Variants in MARCHF7 observed in about 807,000 individuals in gnomAD.
MARCHF7 encodes the protein E3 ubiquitin-protein ligase MARCHF7.
In MARCHF7, 20 loss-of-function variants were observed where a neutral mutation model predicts 76.5. That is an observed-to-expected ratio of 0.26 (90% CI 0.18 to 0.38). MARCHF7 has a LOEUF of 0.38. MARCHF7 is among the 10% of genes least tolerant of loss of function. MARCHF7 has a pLI of 1.00. For synonymous variants in MARCHF7, 295 were observed against 293.0 expected, an observed-to-expected ratio of 1.01 and a Z score of -0.07; for missense variants, 797 against 812.9, an observed-to-expected ratio of 0.98 and a Z score of 0.24.
At chr2:159,747,058 C>T (rs541856047) in intron 6 of MARCHF7, among the ~76,000 whole-genome samples, 1 of 152,168 alleles carries the variant, frequency 6.6e-6, no homozygotes, top group Non-Finnish European at 1.5e-5. Flanking sequence ...TTAGCTCTTA[C>T]ACAGGTTAAT....
At chr2:159,766,762 T>G (rs1266058958) in intron 11 of MARCHF7, among the ~76,000 whole-genome samples, 1 of 152,214 alleles carries the variant, frequency 6.6e-6, no homozygotes, top group East Asian at 1.9e-4. Flanking sequence ...TGAAGCTTTT[T>G]TGACTTACTA....
At chr2:159,725,029 T>C (rs1255421050) in intron 3 of MARCHF7, among the ~76,000 whole-genome samples, 3 of 152,222 alleles carry the variant, frequency 2.0e-5, no homozygotes, top group African/African-American at 7.2e-5. Flanking sequence ...TTTTTATGGC[T>C]GCATAGTATT....
chr2:159,728,887 G>T, intron 3 of MARCHF7, 122 bp from the exon 4 acceptor site: 2 of 505,836 alleles, frequency 4.0e-6, no homozygotes, highest in Non-Finnish European at 6.6e-6. Flanking sequence ...CACAATTTAC[G>T]TTGTCAGATA....
At chr2:159,760,944 A>G (rs1706976659) in intron 9 of MARCHF7, among the ~76,000 whole-genome samples, 1 of 151,994 alleles carries the variant, frequency 6.6e-6, no homozygotes, top group Non-Finnish European at 1.5e-5. Flanking sequence ...CCTGATAGCT[A>G]CACTGATTTT....
rs546603145 is a variant in MARCHF7, at chr2:159,729,561, T to A, written c.153+386T>A. 5.9e-5 allele frequency among the ~76,000 whole-genome samples: 9 copies of A among 152,004 alleles called. No homozygotes were observed. In the South Asian group the frequency reaches 1.9e-3, roughly 32 times the overall value. On this transcript the variant is annotated intron_variant, in intron 4 of 11. Coordinates refer to ENST00000409175, the MANE Select transcript of MARCHF7 (RefSeq NM_001282805.2). ...GGTGGCACACACCTGTAATCCCAGCTACTTGGGAGGCCGAAGAGGGAGGAT... is the reference window on the plus strand; with the variant it reads ...GGTGGCACACACCTGTAATCCCAGCAACTTGGGAGGCCGAAGAGGGAGGAT...
At chr2:159,752,663 G>A in intron 8 of MARCHF7, 92 bp downstream of exon 8, 1 of 1,152,244 alleles carries the variant, frequency 8.7e-7, no homozygotes, top group African/African-American at 1.6e-5. Context: ...GTTGAATTTA[G>A]ACTTTTAACA....
chr2:159,768,686 T>G lies in MARCHF7; in HGVS notation c.*1344T>G, dbSNP rs1302633693. On this transcript the variant is annotated 3_prime_UTR_variant, in exon 12 of 12. Transcript: ENST00000409175. ...CTCATTTTAAGCAATAATATAAATG[T>G]TCTAAAACATTTGCTCACCTCTTGC... 1 of 152,640 alleles carries G rather than the reference T, an allele frequency of 6.6e-6. No individual in the cohort carries two copies. The highest frequency in any genetic ancestry group is 1.5e-5 in the Non-Finnish European group (1 of 68,022). The allele number at this position is 152,640 out of a possible 1,614,324, so 9.5% of individuals were successfully genotyped here.
rs540209321 is a variant in MARCHF7 at position 159,735,629 on chromosome 2, G to T, written c.153+6454G>T. On this transcript the variant is annotated intron_variant, in intron 4 of 11. Transcript: ENST00000409175. ...TTCTTTGACTTAGCATATTTTCAGT[G>T]TTCATCTATATTGTAGCATATGTCA... Among the ~76,000 whole-genome samples the T allele has an allele frequency of 2.0e-5, 3 of 152,220 alleles. No individual in the cohort carries two copies. The East Asian group carries it at 5.8e-4, about 29-fold the overall frequency.
rs573109452 is a variant in MARCHF7 at position 159,761,709 on chromosome 2, G to A, written c.1894-1171G>A. ...TTATAGGCGTGAGCCACCGCACATG[G>A]CCTCAAATTTCTTGAATACTCAGTA... On this transcript the variant is annotated intron_variant, in intron 9 of 11. Coordinates refer to ENST00000409175, the MANE Select transcript of MARCHF7 (RefSeq NM_001282805.2). Among the ~76,000 whole-genome samples the A allele has an allele frequency of 2.6e-5, 4 of 152,244 alleles. No individual in the cohort carries two copies. In the East Asian group the frequency reaches 5.8e-4, roughly 22 times the overall value.
chr2:159,722,057 ATTTGTT>A (rs1247540639), intron 3 of MARCHF7, among the ~76,000 whole-genome samples: 2 of 152,172 alleles, frequency 1.3e-5, no homozygotes, highest in African/African-American at 4.8e-5. Flanking sequence ...TTTTTGCGCT[ATTTGTT>A]TTTAAGTCTT....
At chr2:159,760,950 A>AT (rs1174309399) in intron 9 of MARCHF7, among the ~76,000 whole-genome samples, 2 of 151,670 alleles carry the variant, frequency 1.3e-5, no homozygotes, top group African/African-American at 4.8e-5. Context: ...AGCTACACTG[A>AT]TTTTAAGTGA....
At chr2:159,740,204 A>G (rs72996626) in intron 4 of MARCHF7, among the ~76,000 whole-genome samples, 12,467 of 152,186 alleles carry the variant, frequency 0.082, 607 homozygotes, top group East Asian at 0.14. Flanking sequence ...CGTCTTCCAC[A>G]TGCCTCTAAA....
chr2:159,729,039 C>A lies in MARCHF7; in HGVS notation c.17C>A (p.Ser6Ter). The A allele has an allele frequency of 1.3e-6, 2 of 1,586,980 alleles. No individual in the cohort carries two copies. The highest frequency in any genetic ancestry group is 1.7e-6 in the Non-Finnish European group (2 of 1,171,396). The change falls in exon 4 of 12, where the codon TCA becomes TAA. Residue 6 changes from serine to a stop codon, truncating the protein, a stop_gained. Coordinates refer to ENST00000409175, the MANE Select transcript of MARCHF7 (RefSeq NM_001282805.2). LOFTEE classifies it high-confidence loss of function. ...TCTTTAAGAATGGAGTCTAAACCTT[C>A]AAGGATTCCAAGAAGAATTTCTGTT... MESKP[S>*]RIPRRISVQP...
intron 5 of MARCHF7, among the ~76,000 whole-genome samples, chr2:159,744,790 C>A (rs1248617366): frequency 6.6e-6 from 1 of 152,172 alleles, no homozygotes; most frequent in African/African-American, 2.4e-5. Context: ...TATAAATACT[C>A]TAGGCCATTT....
intron 9 of MARCHF7, 97 bp downstream of exon 9, chr2:159,759,432 AAATAAT>A: frequency 5.6e-6 from 3 of 537,894 alleles, no homozygotes; most frequent in African/African-American, 1.9e-5. Flanking sequence ...CCTTGCATTA[AAATAAT>A]AATAATAACA....
intron 7 of MARCHF7, among the ~76,000 whole-genome samples, chr2:159,751,969 G>T (rs1268141759): frequency 6.6e-6 from 1 of 152,102 alleles, no homozygotes; most frequent in Non-Finnish European, 1.5e-5. Context: ...TTTGAGGGGA[G>T]GCAAGGGGCA....
chr2:159,753,747 G>A (rs1364856605), intron 8 of MARCHF7, among the ~76,000 whole-genome samples: 1 of 152,186 alleles, frequency 6.6e-6, no homozygotes, highest in African/African-American at 2.4e-5. Flanking sequence ...GACGAACCAG[G>A]AGTCTATTAT....
At chr2:159,750,983 T>C (rs1173588881) in intron 7 of MARCHF7, among the ~76,000 whole-genome samples, 1 of 152,232 alleles carries the variant, frequency 6.6e-6, no homozygotes, top group Non-Finnish European at 1.5e-5. Flanking sequence ...TTTCATTTTA[T>C]AGGACAGATT....
intron 4 of MARCHF7, among the ~76,000 whole-genome samples, chr2:159,734,844 A>G (rs1427894136): frequency 2.0e-5 from 3 of 149,272 alleles, no homozygotes; most frequent in South Asian, 2.1e-4. Context: ...AAAGCCAGGC[A>G]TGGTAGCACA....
Sources: allele counts gnomAD v4.1 joint callset (sites outside exome capture counted in the v4.1 genomes callset), GRCh38; gene constraint gnomAD v4.1.1; transcripts MANE v1.5; gene names NCBI Gene and HGNC (gene_info 2026-07-23, HGNC 2026-07-21).